The following TROAP variants were observed in gnomAD, a reference collection of about 807,000 sequenced individuals.
TROAP encodes the protein trophinin associated protein.
A neutral mutation model predicts 83.4 loss-of-function variants in TROAP; 62 were observed. The observed-to-expected ratio is 0.74, with a 90% confidence interval of 0.61 to 0.92. TROAP has a LOEUF of 0.92. TROAP is among the 40% of genes least tolerant of loss of function. The pLI is 0.00. For missense variants in TROAP, 876 were observed against 985.1 expected (o/e 0.89, Z 1.48); for synonymous variants, 352 against 386.4 (o/e 0.91, Z 1.04).
rs774538198 is a variant in TROAP at position 49,330,524 on chromosome 12, G to A, written c.1679G>A (p.Cys560Tyr). 2.5e-6 allele frequency: 4 copies of A among 1,613,536 alleles called. No individual in the cohort carries two copies. The highest frequency in any genetic ancestry group is 1.1e-5 in the South Asian group (1 of 90,992). The change falls in exon 13 of 15, where the codon TGT (cysteine) becomes TAT (tyrosine). Residue 560 changes from cysteine to tyrosine, a missense_variant. By Grantham distance (194) the Cys-to-Tyr change is radical (BLOSUM62 -2). Around this residue, in one of 3 missense-constraint regions of TROAP, gnomAD observed 689 missense variants for 722.6 expected, o/e 0.95. Transcript: ENST00000257909. ...GAACCCAGGCCCCTAGAGTCCTGCT[G>A]TAGGAGTGAGCCTGAGATACCGGAG... ...PAEPRPLESC[C>Y]RSEPEIPESS...
rs1452469949 is a variant in TROAP, at chr12:49,330,832, A to T, written c.1987A>T (p.Ser663Cys). ...SLESSLPPCC[S>C]QWAPATTSLI... ...AGAGTCCAGTCTACCACCCTGCTGC[A>T]GTCAGTGGGCTCCAGCAACCACCAG... is the stretch of plus-strand genomic sequence containing the variant. The change falls in exon 13 of 15, where the codon AGT becomes TGT. Residue 663 changes from serine to cysteine, a missense_variant. Around this residue, in one of 3 missense-constraint regions of TROAP, gnomAD observed 184 missense variants for 238.3 expected, o/e 0.77. Transcript: ENST00000257909. The T allele has an allele frequency of 2.5e-6, 4 of 1,613,584 alleles. No homozygotes were observed. In the South Asian group the frequency reaches 4.4e-5, roughly 18 times the overall value.
chr12:49,328,998 A>T lies in TROAP; in HGVS notation c.963A>T (p.Pro321=). 2 of 1,611,052 alleles carry T rather than the reference A, an allele frequency of 1.2e-6. No individual in the cohort carries two copies. Among genetic ancestry groups the T allele is most frequent in the Non-Finnish European group, 1.7e-6 (2 of 1,178,022 alleles). ...VAQPLPGHVV[P]CPSPFGRAQR... ...AGCCCTTGCCTGGCCATGTGGTGCCATGTCCATCACCCTTTGGACGGGCTC... is the reference window on the plus strand; with the variant it reads ...AGCCCTTGCCTGGCCATGTGGTGCCTTGTCCATCACCCTTTGGACGGGCTC... The change falls in exon 9 of 15, where the codon CCA becomes CCT. Residue 321 remains proline (P), a synonymous_variant. Coordinates refer to ENST00000257909, the MANE Select transcript of TROAP (RefSeq NM_005480.4).
chr12:49,328,708 C>T (rs924744932), intron 8 of TROAP, among the ~76,000 whole-genome samples: 1 of 151,806 alleles, frequency 6.6e-6, no homozygotes, highest in Non-Finnish European at 1.5e-5. Flanking sequence ...ACTAAATATA[C>T]AAAAAATTAG....
chr12:49,331,293 CG>C lies in TROAP; in HGVS notation c.2179del (p.Glu727ArgfsTer?). ...GTTTAACCGCCATCCACTGCTTCCA[CG>C]AGGCTCGTCTGGACGATGAGTGTGC... ...SCLTAIHCFH[E>X]ARLDDECAFY... On this transcript the variant is annotated frameshift_variant, in exon 14 of 15. Transcript: ENST00000257909. LOFTEE classifies it high-confidence loss of function. 1 of 1,614,234 alleles carries C rather than the reference CG, an allele frequency of 6.2e-7. No individual in the cohort carries two copies. The highest frequency in any genetic ancestry group is 1.1e-5 in the South Asian group (1 of 91,088).
In TROAP at chr12:49,323,924, A is replaced by G; in HGVS notation, c.224A>G (p.Gln75Arg). Residue 75 changes from glutamine to arginine, a missense_variant, in exon 3 of 15, where the codon CAG becomes CGG. Transcript: ENST00000257909. Reference protein sequence around the residue: ...SAGPRPKARHQAETSQRLVGI... With the variant: ...SAGPRPKARHRAETSQRLVGI... ...GGCCCCAGGCCGAAAGCCAGGCACCAGGCAGAGACATCACAAAGATTGGTG... is the reference window on the plus strand; with the variant it reads ...GGCCCCAGGCCGAAAGCCAGGCACCGGGCAGAGACATCACAAAGATTGGTG... 1 of 1,614,122 alleles carries G rather than the reference A, an allele frequency of 6.2e-7. No homozygotes were observed. Among genetic ancestry groups the G allele is most frequent in the Non-Finnish European group, 8.5e-7 (1 of 1,180,040 alleles).
chr12:49,324,469 A>T (rs1943463097), intron 3 of TROAP: 1 of 348,136 alleles, frequency 2.9e-6, no homozygotes, highest in African/African-American at 2.1e-5. Context: ...TAACATGTAT[A>T]TACCTTGGCT....
In TROAP at chr12:49,330,137, C is replaced by T. The variant is rs1359903085; in HGVS notation, c.1300-8C>T. Reference sequence around the variant, plus strand: ...GATGTCACACTGGGGTGCTCTCTCCCACCACAGCGCATCGGTATCCTGCAA... The same window carrying T: ...GATGTCACACTGGGGTGCTCTCTCCTACCACAGCGCATCGGTATCCTGCAA... On this transcript the variant is annotated splice_polypyrimidine_tract_variant and splice_region_variant and intron_variant, in intron 12 of 14. Transcript: ENST00000257909. 2 of 1,612,522 alleles carry T rather than the reference C, an allele frequency of 1.2e-6. No homozygotes were observed. Among genetic ancestry groups the T allele is most frequent in the African/African-American group, 2.7e-5 (2 of 74,842 alleles).
Position 49,330,417 on chromosome 12 carries a change from G to A in TROAP, c.1572G>A (p.Glu524=), listed in dbSNP as rs1943561455. 1 of 1,614,182 alleles carries A rather than the reference G, an allele frequency of 6.2e-7. No homozygotes were observed. The highest frequency in any genetic ancestry group is 1.3e-5 in the African/African-American group (1 of 75,038). ...PCPPAEPGPP[E]AFCRSEPEIP... is the part of the protein sequence containing the mutation. The stretch of plus-strand genomic sequence containing the variant: ...CTCCGGCAGAGCCTGGGCCCCCAGA[G>A]GCCTTCTGTAGGAGTGAGCCTGAGA... The change falls in exon 13 of 15, where the codon GAG becomes GAA. Residue 524 remains glutamate, a synonymous_variant. Coordinates refer to ENST00000257909, the MANE Select transcript of TROAP (RefSeq NM_005480.4).
rs751263715 is a variant in TROAP, at chr12:49,325,797, G to C, written c.546G>C (p.Leu182=). 1 of 1,614,146 alleles carries C rather than the reference G, an allele frequency of 6.2e-7. No individual in the cohort carries two copies. Among genetic ancestry groups the C allele is most frequent in the East Asian group, 2.2e-5 (1 of 44,884 alleles). ...CCCCCAGAACCCCCACCCACCGACT[G>C]GACCCTGCCAGGGCTTCCTGCTTCT... ...YLAPRTPTHR[L]DPARASCFSR... Residue 182 remains leucine, a synonymous_variant, in exon 5 of 15, where the codon CTG becomes CTC. Coordinates refer to ENST00000257909, the MANE Select transcript of TROAP (RefSeq NM_005480.4).
Position 49,323,636 on chromosome 12 carries a change from C to G in TROAP, c.28C>G (p.Pro10Ala). Reference protein sequence around the residue: MTTRQATKDPLLRGVSPTPS... With the variant: MTTRQATKDALLRGVSPTPS... Reference sequence around the variant, plus strand: ...GACCACCCGGCAAGCCACGAAGGATCCCCTCCTCCGGGGTGTATCTCCTAC... The same window carrying G: ...GACCACCCGGCAAGCCACGAAGGATGCCCTCCTCCGGGGTGTATCTCCTAC... Residue 10 changes from proline (P) to alanine (A), a missense_variant, in exon 2 of 15, where the codon CCC becomes GCC. Physicochemically the swap from Pro to Ala is conservative, Grantham distance 27 (BLOSUM62 -1). Transcript: ENST00000257909. 1.2e-6 allele frequency: 2 copies of G among 1,614,054 alleles called. No individual in the cohort carries two copies. Among genetic ancestry groups the G allele is most frequent in the Non-Finnish European group, 1.7e-6 (2 of 1,179,992 alleles).
chr12:49,330,079 G>C, intron 12 of TROAP, 66 bp from the exon 13 acceptor site: 4 of 1,606,124 alleles, frequency 2.5e-6, no homozygotes, highest in Middle Eastern at 3.3e-4. Flanking sequence ...TCAGGAATAG[G>C]ACAGTGTGGG....
chr12:49,328,899 C>A, intron 8 of TROAP, 28 bp from the exon 9 acceptor site: 6 of 1,513,446 alleles, frequency 4.0e-6, no homozygotes, highest in Non-Finnish European at 5.3e-6. Flanking sequence ...GGGCGGGGAT[C>A]ACTCTTCCAC....
chr12:49,326,983 C>CA (rs1250690765), intron 7 of TROAP, among the ~76,000 whole-genome samples: 3 of 152,216 alleles, frequency 2.0e-5, no homozygotes, highest in Non-Finnish European at 2.9e-5. Context: ...TGTTTATCCC[C>CA]AGCCCCTAAG....
Position 49,329,678 on chromosome 12 carries a change from T to G in TROAP, c.1165-179T>G. ...CTGTCTCCACTAAAATTTTAAAAAT[T>G]AGAAAGTGCTCTCTGGAAAAGCTGC... On this transcript the variant is annotated intron_variant, in intron 11 of 14. Coordinates refer to ENST00000257909, the MANE Select transcript of TROAP (RefSeq NM_005480.4). This position sits in a 1 kb window ranked among gnomAD's most constrained non-coding sequence, Gnocchi z 4.5. 1 of 1,120,372 alleles carries G rather than the reference T, an allele frequency of 8.9e-7. No individual in the cohort carries two copies. The highest frequency in any genetic ancestry group is 2.3e-5 in the Admixed American group (1 of 42,762). 69.4% of individuals were successfully genotyped at this position (1,120,372 alleles called of 1,614,324 possible).
Position 49,326,697 on chromosome 12 carries a change from T to C in TROAP, c.746T>C (p.Leu249Pro). The change falls in exon 7 of 15, where the codon CTC becomes CCC. Residue 249 changes from leucine to proline, a missense_variant. Leu to Pro is a moderately conservative substitution (Grantham distance 98). Coordinates refer to ENST00000257909, the MANE Select transcript of TROAP (RefSeq NM_005480.4). The part of the protein sequence containing the change: ...RTSVSQASGL[L>P]LETPVQPAFS... ...TCAGTGAGCCAGGCCTCAGGATTGC[T>C]CCTGGAGACCCCAGTCCAGCCTGGT... is the stretch of plus-strand genomic sequence containing the variant. 1 of 1,561,492 alleles carries C rather than the reference T, an allele frequency of 6.4e-7. No homozygotes were observed. The highest frequency in any genetic ancestry group is 1.2e-5 in the South Asian group (1 of 84,824).
At position 49,330,006 on chromosome 12, in the gene TROAP, C is replaced by A; in HGVS notation, c.1299+15C>A. ...TGAAGATTCAAGTGAGTCTGTGTGG[C>A]CAACAGCTTTGATGTCTATTGAACA... On this transcript the variant is annotated intron_variant, in intron 12 of 14. Coordinates refer to ENST00000257909, the MANE Select transcript of TROAP (RefSeq NM_005480.4). The A allele has an allele frequency of 6.2e-7, 1 of 1,613,564 alleles. No homozygotes were observed. Among genetic ancestry groups the A allele is most frequent in the Non-Finnish European group, 8.5e-7 (1 of 1,179,672 alleles).
rs368073856 is a variant in TROAP at position 49,329,274 on chromosome 12, A to G, written c.1104+30A>G. On this transcript the variant is annotated intron_variant, in intron 10 of 14. Coordinates refer to ENST00000257909, the MANE Select transcript of TROAP (RefSeq NM_005480.4). The surrounding 1 kb of genome is among the most constrained non-coding windows in gnomAD (Gnocchi z 4.5). ...GAGAGGGCATGGAGAGGTGGCTGGC[A>G]TAAGTCACAGCTAGGGGAGAAAGGA... The G allele has an allele frequency of 2.3e-4, 371 of 1,613,924 alleles. 1 individual carries two copies. In the African/African-American group the frequency reaches 4.3e-3, roughly 19 times the overall value.
intron 5 of TROAP, 68 bp from the exon 6 acceptor site, chr12:49,326,008 G>T: frequency 6.2e-7 from 1 of 1,605,270 alleles, no homozygotes; most frequent in Non-Finnish European, 8.5e-7. Context: ...AGATGGGGTT[G>T]GTGGTGAGGC....
intron 3 of TROAP, 124 bp from the exon 4 acceptor site, chr12:49,325,377 A>T: frequency 9.1e-7 from 1 of 1,093,978 alleles, no homozygotes; most frequent in Non-Finnish European, 1.3e-6. Flanking sequence ...AAAAAAAAAA[A>T]AAAAAATAAG....
Sources: allele counts gnomAD v4.1 joint callset (sites outside exome capture counted in the v4.1 genomes callset), GRCh38; gene constraint gnomAD v4.1.1; regional missense constraint gnomAD v4.1.1; non-coding constraint Gnocchi (gnomAD v3.1); transcripts MANE v1.5; gene names NCBI Gene and HGNC (gene_info 2026-07-23, HGNC 2026-07-21).